The following HNRNPU variants were observed in gnomAD, a reference collection of about 807,000 sequenced individuals.
The protein encoded by HNRNPU is heterogeneous nuclear ribonucleoprotein U.
A neutral mutation model predicts 94.7 loss-of-function variants in HNRNPU; 5 were observed. That is an observed-to-expected ratio of 0.05 (90% CI 0.03 to 0.11). The LOEUF (loss-of-function observed/expected upper bound fraction) is 0.11, where lower values mean the gene tolerates loss of function less well. HNRNPU is among the 10% of genes least tolerant of loss of function. The pLI is 1.00. For missense variants in HNRNPU, 710 were observed against 1,049.2 expected, an observed-to-expected ratio of 0.68 and a Z score of 4.47; for synonymous variants, 434 against 381.6, an observed-to-expected ratio of 1.14 and a Z score of -1.60.
At chr1:244,862,414 A>AG (rs1553283357) in intron 3 of HNRNPU, 47 bp downstream of exon 3, 2 of 1,297,408 alleles carry the variant, frequency 1.5e-6, no homozygotes, top group African/African-American at 3.1e-5. Flanking sequence ...AAAAAAAAAA[A>AG]CCACCATCAC....
chr1:244,853,057 T>C lies in HNRNPU; in HGVS notation c.*1393A>G, dbSNP rs1398427809. 6.6e-6 allele frequency: 1 copy of C among 152,574 alleles called. No individual in the cohort carries two copies. Among genetic ancestry groups the C allele is most frequent in the Non-Finnish European group, 1.5e-5 (1 of 68,010 alleles). 9.5% of individuals were successfully genotyped at this position (152,574 alleles called of 1,614,324 possible). A position where few individuals can be genotyped will look rare whatever the true frequency, so the allele number is the denominator to read the frequency against. On this transcript the variant is annotated 3_prime_UTR_variant, in exon 14 of 14. Transcript: ENST00000640218. ...AAAAGCATCTGATCCCAGAGTTTCA[T>C]GTATCATATATATGTATATAAAATA...
chr1:244,861,760 A>AAC (rs1680837799), intron 3 of HNRNPU: 1 of 151,880 alleles, frequency 6.6e-6, no homozygotes, highest in Non-Finnish European at 1.5e-5. Flanking sequence ...AAAAAAAAAA[A>AAC]AACAAGTCTG....
chr1:244,859,200 C>T, intron 5 of HNRNPU, 75 bp downstream of exon 5: 1 of 761,598 alleles, frequency 1.3e-6, no homozygotes, highest in Admixed American at 2.1e-5. Flanking sequence ...CTTAGAATGC[C>T]CTCTAGTTAA....
chr1:244,862,118 AT>A (rs1481730077), intron 3 of HNRNPU: 1 of 206,296 alleles, frequency 4.8e-6, no homozygotes, highest in Non-Finnish European at 9.7e-6. Context: ...CCACAAAAAA[AT>A]GAATTACTTT....
In HNRNPU at chr1:244,852,548, T is replaced by C. The variant is rs748119497; in HGVS notation, c.*1902A>G. On this transcript the variant is annotated 3_prime_UTR_variant, in exon 14 of 14. Coordinates refer to ENST00000640218, the MANE Select transcript of HNRNPU (RefSeq NM_031844.3). ...AATCCTAATAATGTATACTGAAGAG[T>C]AGTAGCTCAGGCCAGTGGTTCTTAG... The C allele has an allele frequency of 1.3e-5, 2 of 152,066 alleles. No individual in the cohort carries two copies. Among genetic ancestry groups the C allele is most frequent in the African/African-American group, 4.8e-5 (2 of 41,400 alleles). 9.4% of individuals were successfully genotyped at this position (152,066 alleles called of 1,614,324 possible).
rs1296430789 is a variant in HNRNPU at position 244,855,555 on chromosome 1, C to T, written c.2221G>A (p.Gly741Ser). The T allele has an allele frequency of 1.2e-6, 2 of 1,613,958 alleles. No homozygotes were observed. The highest frequency in any genetic ancestry group is 4.5e-5 in the East Asian group (2 of 44,892). Reference sequence around the variant, plus strand: ...ATTCCACCACTTCCTCCACCGCCACCACCTCTCTGTGGCATGTTGCCCCTC... The same window carrying T: ...ATTCCACCACTTCCTCCACCGCCACTACCTCTCTGTGGCATGTTGCCCCTC... The part of the protein sequence containing the change: ...NRRGNMPQRG[G>S]GGGGSGGIGY... The change falls in exon 12 of 14, where the codon GGT becomes AGT. Residue 741 changes from glycine to serine, a missense_variant. Physicochemically the swap from Gly to Ser is moderately conservative, Grantham distance 56. Coordinates refer to ENST00000640218, the MANE Select transcript of HNRNPU (RefSeq NM_031844.3).
Position 244,858,236 on chromosome 1 carries a change from C to G in HNRNPU, c.1269G>C (p.Lys423Asn). 2 of 1,614,114 alleles carry G rather than the reference C, an allele frequency of 1.2e-6. No individual in the cohort carries two copies. The highest frequency in any genetic ancestry group is 1.7e-6 in the Non-Finnish European group (2 of 1,179,962). Residue 423 changes from lysine (K) to asparagine (N), a missense_variant, in exon 7 of 14, where the codon AAG becomes AAC. This residue lies in a region of HNRNPU where 150 missense variants were observed against 187.9 expected (regional missense o/e 0.80). Coordinates refer to ENST00000640218, the MANE Select transcript of HNRNPU (RefSeq NM_031844.3). ...AGGCAACGCCAAGATCTTGTCCATT[C>G]TTAGCATACGAGAGTTCTACTTCAT... ...ESDEVELSYA[K>N]NGQDLGVAFK...
At chr1:244,856,652 A>G (rs778835523) in intron 9 of HNRNPU, 27 bp from the exon 10 acceptor site, 2 of 1,610,046 alleles carry the variant, frequency 1.2e-6, no homozygotes, top group Non-Finnish European at 1.7e-6. Context: ...TTATGTTTAC[A>G]ACCCTAAACA....
rs770634061 is a variant in HNRNPU at position 244,857,563 on chromosome 1, A to C, written c.1614+35T>G. 35 of 1,602,364 alleles carry C rather than the reference A, an allele frequency of 2.2e-5. 1 individual carries two copies. In the South Asian group the frequency reaches 3.9e-4, roughly 18 times the overall value. ...TGCCCAGCCTCTCCCAGTCTATTTTAAACACTGAGATCAGGCCCTAAACAT... is the reference window on the plus strand; with the variant it reads ...TGCCCAGCCTCTCCCAGTCTATTTTCAACACTGAGATCAGGCCCTAAACAT... On this transcript the variant is annotated intron_variant, in intron 8 of 13. Coordinates refer to ENST00000640218, the MANE Select transcript of HNRNPU (RefSeq NM_031844.3).
At position 244,864,124 on chromosome 1, in the gene HNRNPU, G is replaced by A; in HGVS notation, c.184C>T (p.Leu62=). ...GAGCGCCCAGCGGAATCCCCGCCCAGGTCTAGGCTGCCGTTCCCGGGCTCC... is the reference window on the plus strand; with the variant it reads ...GAGCGCCCAGCGGAATCCCCGCCCAAGTCTAGGCTGCCGTTCCCGGGCTCC... ...AMEPGNGSLD[L]GGDSAGRSGA... Residue 62 remains leucine, a synonymous_variant, in exon 1 of 14, where the codon CTG becomes TTG. Transcript: ENST00000640218. 1 of 1,598,976 alleles carries A rather than the reference G, an allele frequency of 6.3e-7. No homozygotes were observed. The highest frequency in any genetic ancestry group is 8.5e-7 in the Non-Finnish European group (1 of 1,172,938).
In HNRNPU at chr1:244,858,801, T is replaced by G; in HGVS notation, c.1158A>C (p.Ile386=). 1 of 1,584,820 alleles carries G rather than the reference T, an allele frequency of 6.3e-7. No individual in the cohort carries two copies. The highest frequency in any genetic ancestry group is 8.7e-7 in the Non-Finnish European group (1 of 1,154,028). ...CTTCAGTCTCACAGTTGCATGTTTTTATTCCTTTTAGAGAATACCCATAAG... is the reference window on the plus strand; with the variant it reads ...CTTCAGTCTCACAGTTGCATGTTTTGATTCCTTTTAGAGAATACCCATAAG... The part of the protein sequence containing the change: ...EFSYGYSLKG[I]KTCNCETEDY... Residue 386 remains isoleucine, a synonymous_variant, in exon 6 of 14, where the codon ATA becomes ATC. Coordinates refer to ENST00000640218, the MANE Select transcript of HNRNPU (RefSeq NM_031844.3).
intron 3 of HNRNPU, 47 bp downstream of exon 3, chr1:244,862,414 A>AAAAAC (rs1553283357): frequency 1.5e-6 from 2 of 1,298,126 alleles, no homozygotes; most frequent in Non-Finnish European, 2.2e-6. Context: ...AAAAAAAAAA[A>AAAAAC]CCACCATCAC....
At position 244,855,059 on chromosome 1, in the gene HNRNPU, T is replaced by C. The variant is rs1469176762; in HGVS notation, c.2353-15A>G. ...CCTCTGAAGTTCTACAAAAAGGAAA[T>C]ACTCTCTAAGAGCTCTGAGCCCAAT... On this transcript the variant is annotated splice_polypyrimidine_tract_variant and intron_variant, in intron 12 of 13. Transcript: ENST00000640218. 4 of 1,607,106 alleles carry C rather than the reference T, an allele frequency of 2.5e-6. No individual in the cohort carries two copies. Among genetic ancestry groups the C allele is most frequent in the Non-Finnish European group, 3.4e-6 (4 of 1,173,804 alleles).
intron 9 of HNRNPU, 42 bp from the exon 10 acceptor site, chr1:244,856,667 T>C: frequency 6.2e-7 from 1 of 1,609,686 alleles, no homozygotes; most frequent in Non-Finnish European, 8.5e-7. Context: ...TAAACATTAA[T>C]TCTACACCAA....
intron 3 of HNRNPU, chr1:244,861,764 A>C (rs1680838401): frequency 7.2e-6 from 1 of 139,218 alleles, no homozygotes; most frequent in Non-Finnish European, 1.6e-5. Context: ...AAAAAAAAAC[A>C]AGTCTGACAG....
rs1217302813 is a variant in HNRNPU at position 244,863,791 on chromosome 1, G to A, written c.517C>T (p.Pro173Ser). 3 of 1,606,670 alleles carry A rather than the reference G, an allele frequency of 1.9e-6. No individual in the cohort carries two copies. The highest frequency in any genetic ancestry group is 2.7e-5 in the African/African-American group (2 of 74,596). Residue 173 changes from proline to serine, a missense_variant, in exon 1 of 14, where the codon CCC (proline) becomes TCC (serine). Transcript: ENST00000640218. ...TTGGCGGCCCCGCGCTGCTGTTGGG[G>A]CTGTTGCTGCTGCGTCGCCGGCGGT... ...PQPPATQQQQ[P>S]QQQRGAAKEA...
rs768543741 is a variant in HNRNPU at position 244,864,022 on chromosome 1, T to C, written c.286A>G (p.Ile96Val). The C allele has an allele frequency of 4.3e-6, 7 of 1,612,816 alleles. No individual in the cohort carries two copies. In the East Asian group the frequency reaches 1.1e-4, roughly 26 times the overall value. ...ATCTGGTCGCCGTCCAGAGCGGAGA[T>C]TCCTTCCTCCTCCTCTTCCTCTTCC... ...EEEEEEEEEG[I>V]SALDGDQMEL... Residue 96 changes from isoleucine to valine, a missense_variant, in exon 1 of 14, where the codon ATC becomes GTC. Transcript: ENST00000640218.
At chr1:244,863,376 T>A (rs1653340685) in intron 1 of HNRNPU, among the ~76,000 whole-genome samples, 1 of 145,752 alleles carries the variant, frequency 6.9e-6, no homozygotes, top group Admixed American at 6.8e-5. Context: ...AGCCACATAA[T>A]GGAGGCGCTG....
rs1399034125 is a variant in HNRNPU, at chr1:244,854,161, A to AT, written c.*288dup. The AT allele has an allele frequency of 2.1e-5, 6 of 290,078 alleles. No individual in the cohort carries two copies. Among genetic ancestry groups the AT allele is most frequent in the Admixed American group, 1.1e-4 (2 of 17,916 alleles). The allele number at this position is 290,078 out of a possible 1,614,324, so 18.0% of individuals were successfully genotyped here. On this transcript the variant is annotated 3_prime_UTR_variant, in exon 14 of 14. Coordinates refer to ENST00000640218, the MANE Select transcript of HNRNPU (RefSeq NM_031844.3). ...AAAGCAACATTTTACTTCTGTTGTG[A>AT]TAAAAAAAAAAAAAAGTCACATTTT...
Sources: allele counts gnomAD v4.1 joint callset (sites outside exome capture counted in the v4.1 genomes callset), GRCh38; gene constraint gnomAD v4.1.1; regional missense constraint gnomAD v4.1.1; transcripts MANE v1.5; gene names NCBI Gene and HGNC (gene_info 2026-07-23, HGNC 2026-07-21).